The following SLC13A1 variants were observed in gnomAD, a reference collection of about 807,000 sequenced individuals.
The protein encoded by SLC13A1 is solute carrier family 13 member 1, also known as Na(+)/sulfate cotransporter.
SLC13A1 carries 65 observed loss-of-function variants against 70.0 expected under a neutral mutation model. That is an observed-to-expected ratio of 0.93 (90% confidence interval 0.76 to 1.14). The LOEUF (loss-of-function observed/expected upper bound fraction) is 1.14. Among genes scored for constraint, SLC13A1 ranks in the 50% most tolerant of loss-of-function variants. The pLI is 0.00. For synonymous variants in SLC13A1, 275 were observed against 250.5 expected (o/e 1.10, Z -0.92); for missense variants, 726 against 717.8 (o/e 1.01, Z -0.13).
At chr7:123,191,529 T>A (rs970462996) in intron 1 of SLC13A1, among the ~76,000 whole-genome samples, 1 of 152,174 alleles carries the variant, frequency 6.6e-6, no homozygotes, top group African/African-American at 2.4e-5. Context: ...ATCCTAATTG[T>A]CTAAAACCTC....
chr7:123,196,353 G>A lies in SLC13A1; in HGVS notation c.99+3495C>T, dbSNP rs181074888. On this transcript the variant is annotated intron_variant, in intron 1 of 14. Transcript: ENST00000194130. ...AATAAGAAAATGGAATTGCATTAGC[G>A]AAGTGAGATTCACAGCAATGTACTA... Among the ~76,000 whole-genome samples, 5 of 152,166 alleles carry A rather than the reference G, an allele frequency of 3.3e-5. No individual in the cohort carries two copies. In the East Asian group the frequency reaches 7.8e-4, roughly 24 times the overall value.
At position 123,191,203 on chromosome 7, in the gene SLC13A1, T is replaced by G. The variant is rs183584519; in HGVS notation, c.99+8645A>C. The stretch of plus-strand genomic sequence containing the variant: ...GAGTTCTTTTCTTGCCAGCATAACA[T>G]GGATCCAGTCATCTAGCTGAGTTGG... On this transcript the variant is annotated intron_variant, in intron 1 of 14. Coordinates refer to ENST00000194130, the MANE Select transcript of SLC13A1 (RefSeq NM_022444.4). Among the ~76,000 whole-genome samples, 13 of 152,278 alleles carry G rather than the reference T, an allele frequency of 8.5e-5. No individual in the cohort carries two copies. The East Asian group carries it at 2.5e-3, about 29-fold the overall frequency.
At chr7:123,149,372 G>A (rs193086134) in intron 6 of SLC13A1, 7 of 407,144 alleles carry the variant, frequency 1.7e-5, no homozygotes, top group Middle Eastern at 3.6e-4. Context: ...ACACTAATCC[G>A]TTGACCTTTT....
At position 123,119,212 on chromosome 7, in the gene SLC13A1, T is replaced by C. The variant is rs1793287569; in HGVS notation, c.1381A>G (p.Lys461Glu). Residue 461 changes from lysine (K) to glutamate (E), a missense_variant, in exon 13 of 15, where the codon AAA becomes GAA. Transcript: ENST00000194130. Reference sequence around the variant, plus strand: ...GGTAATGAACCCAGAGGAGATAATTTATTTCCTATCCACTTAGATAATCCA... The same window carrying C: ...GGTAATGAACCCAGAGGAGATAATTCATTTCCTATCCACTTAGATAATCCA... The part of the protein sequence containing the change: ...ESGLSKWIGN[K>E]LSPLGSLPAW... The C allele has an allele frequency of 1.9e-6, 3 of 1,611,126 alleles. No homozygotes were observed. Among genetic ancestry groups the C allele is most frequent in the Non-Finnish European group, 2.5e-6 (3 of 1,178,310 alleles).
chr7:123,151,926 A>C lies in SLC13A1; in HGVS notation c.661-4616T>G, dbSNP rs142563191. Among the ~76,000 whole-genome samples the C allele has an allele frequency of 9.2e-3, 1,400 of 152,160 alleles. 10 individuals are homozygous for C. The highest frequency in any genetic ancestry group is 0.012 in the Non-Finnish European group (817 of 67,990). ...TCTCAGTCAACATTATCTCTGGCCT[A>C]GGTTAATGAAATAGTGTGTTTATAG... On this transcript the variant is annotated intron_variant, in intron 6 of 14. Transcript: ENST00000194130.
At chr7:123,159,339 C>A (rs1794810898) in intron 6 of SLC13A1, among the ~76,000 whole-genome samples, 1 of 152,144 alleles carries the variant, frequency 6.6e-6, no homozygotes, top group South Asian at 2.1e-4. Flanking sequence ...GATGCCTAAT[C>A]CGATAGGGCT....
At chr7:123,187,065 A>G (rs144813534) in intron 1 of SLC13A1, among the ~76,000 whole-genome samples, 2 of 152,174 alleles carry the variant, frequency 1.3e-5, no homozygotes, top group Non-Finnish European at 2.9e-5. Flanking sequence ...CAAAAGTTAC[A>G]TCAAGAAGTT....
intron 8 of SLC13A1, among the ~76,000 whole-genome samples, chr7:123,130,696 G>A (rs1208449857): frequency 6.6e-6 from 1 of 152,044 alleles, no homozygotes; most frequent in Admixed American, 6.6e-5. Flanking sequence ...TGCACATCCT[G>A]CACATGTATC....
At chr7:123,117,333 G>A in intron 14 of SLC13A1, 138 bp downstream of exon 14, 1 of 776,774 alleles carries the variant, frequency 1.3e-6, no homozygotes, top group East Asian at 2.6e-5. Context: ...GATTAGTCAT[G>A]CACACTGCAT....
At chr7:123,190,397 A>G in intron 1 of SLC13A1, 1 of 334,232 alleles carries the variant, frequency 3.0e-6, no homozygotes, top group Non-Finnish European at 6.0e-6. Context: ...TAAACAAAAA[A>G]GGCTTACTCT....
At chr7:123,150,612 TCTC>T (rs1288315573) in intron 6 of SLC13A1, among the ~76,000 whole-genome samples, 1 of 152,144 alleles carries the variant, frequency 6.6e-6, no homozygotes. Context: ...ATCTTGCTTG[TCTC>T]CTCATTCCAC....
At position 123,135,014 on chromosome 7, in the gene SLC13A1, T is replaced by C. The variant is rs73217760; in HGVS notation, c.813-485A>G. On this transcript the variant is annotated intron_variant, in intron 7 of 14. Transcript: ENST00000194130. ...AATTCTTGGCCATGTGAAAGTACTC[T>C]GATCCAGCCTAGGTCATCTCCCATG... Among the ~76,000 whole-genome samples the C allele has an allele frequency of 4.3e-3, 651 of 152,282 alleles. 2 individuals carry two copies. The highest frequency in any genetic ancestry group is 6.7e-3 in the Admixed American group (103 of 15,284).
chr7:123,190,936 G>GT (rs1021094915), intron 1 of SLC13A1, among the ~76,000 whole-genome samples: 148 of 150,980 alleles, frequency 9.8e-4, no homozygotes, highest in African/African-American at 3.3e-3. Context: ...CTCTTTTTTT[G>GT]TTTTTTTCCT....
intron 2 of SLC13A1, among the ~76,000 whole-genome samples, chr7:123,176,638 T>C (rs1585383450): frequency 6.6e-6 from 1 of 152,328 alleles, no homozygotes; most frequent in East Asian, 1.9e-4. Context: ...AAAGGTGCTT[T>C]GTTAGTTATT....
Position 123,134,516 on chromosome 7 carries a change from A to G in SLC13A1, c.826T>C (p.Cys276Arg). The G allele has an allele frequency of 1.2e-6, 2 of 1,613,414 alleles. No individual in the cohort carries two copies. The highest frequency in any genetic ancestry group is 8.5e-7 in the Non-Finnish European group (1 of 1,179,538). Residue 276 changes from cysteine (C) to arginine (R), a missense_variant, in exon 8 of 15, where the codon TGT (cysteine) becomes CGT (arginine). Coordinates refer to ENST00000194130, the MANE Select transcript of SLC13A1 (RefSeq NM_022444.4). ...CATGATCCAAAGTTGAGGCAACGAC[A>G]GTCAGGATAGCGTCTGTGTGAAAAC... ...AEYFNTRYPD[C>R]RCLNFGSWFT... is the part of the protein sequence containing the mutation.
intron 2 of SLC13A1, among the ~76,000 whole-genome samples, chr7:123,173,852 T>C (rs571396923): frequency 2.6e-5 from 4 of 152,164 alleles, no homozygotes; most frequent in East Asian, 1.9e-4. Context: ...TGAGCTCTTA[T>C]ATCCCAATTT....
intron 8 of SLC13A1, among the ~76,000 whole-genome samples, chr7:123,132,111 C>G (rs920144139): frequency 5.9e-5 from 9 of 152,138 alleles, no homozygotes; most frequent in Non-Finnish European, 1.3e-4. Context: ...TGGCCTCTCC[C>G]CATTGATGCC....
At chr7:123,139,650 A>C (rs1468047206) in intron 7 of SLC13A1, among the ~76,000 whole-genome samples, 1 of 151,976 alleles carries the variant, frequency 6.6e-6, no homozygotes, top group Non-Finnish European at 1.5e-5. Flanking sequence ...GTTAATTCTT[A>C]GGTACTTAGT....
At position 123,147,273 on chromosome 7, in the gene SLC13A1, C is replaced by A; in HGVS notation, c.698G>T (p.Gly233Val). Residue 233 changes from glycine to valine, a missense_variant, in exon 7 of 15, where the codon GGC (glycine) becomes GTC (valine). Gly to Val is a moderately radical substitution (Grantham distance 109). Transcript: ENST00000194130. The stretch of plus-strand genomic sequence containing the variant: ...ACACGTAAGTTTACGTGTCACGTGG[C>A]CCTTCTTTGTTCGATATTTGGTTCT... The part of the protein sequence containing the change: ...GMRTKYRTKK[G>V]HVTRKLTCLC... The A allele has an allele frequency of 6.2e-7, 1 of 1,613,512 alleles. No individual in the cohort carries two copies. Among genetic ancestry groups the A allele is most frequent in the Non-Finnish European group, 8.5e-7 (1 of 1,179,782 alleles).
Sources: allele counts gnomAD v4.1 joint callset (sites outside exome capture counted in the v4.1 genomes callset), GRCh38; gene constraint gnomAD v4.1.1; transcripts MANE v1.5; gene names NCBI Gene and HGNC (gene_info 2026-07-23, HGNC 2026-07-21).